FABP6: variants seen among roughly 807,000 people sequenced by gnomAD.
FABP6 encodes the protein fatty acid binding protein 6.
A neutral mutation model predicts 14.9 loss-of-function variants in FABP6; 13 were observed. The observed-to-expected ratio is 0.87, with a 90% confidence interval of 0.57 to 1.39. The LOEUF (loss-of-function observed/expected upper bound fraction) is 1.39. Among genes scored for constraint, FABP6 ranks in the 40% most tolerant of loss-of-function variants. The pLI is 0.00. For synonymous variants in FABP6, 75 were observed against 63.6 expected (o/e 1.18, Z -0.85); for missense variants, 161 against 167.2 (o/e 0.96, Z 0.20).
At chr5:160,188,963 A>G in intron 1 of FABP6, among the ~76,000 whole-genome samples, 1 of 150,270 alleles carries the variant, frequency 6.7e-6, no homozygotes, top group South Asian at 2.1e-4. Context: ...AGGGCTCTGC[A>G]CCCTTTTTCT....
At chr5:160,221,667 G>A (rs1273262704) in intron 3 of FABP6, among the ~76,000 whole-genome samples, 1 of 151,710 alleles carries the variant, frequency 6.6e-6, no homozygotes, top group Non-Finnish European at 1.5e-5. Context: ...CTCTATTAGT[G>A]GATTTGTCCA....
chr5:160,233,047 T>C (rs1188752416), intron 2 of FABP6, among the ~76,000 whole-genome samples: 3 of 149,454 alleles, frequency 2.0e-5, no homozygotes, highest in Non-Finnish European at 3.0e-5. Context: ...AGTGTCATGA[T>C]CTCGGCTCAC....
At chr5:160,190,955 G>GAA (rs35006979) in intron 1 of FABP6, among the ~76,000 whole-genome samples, 7,933 of 147,316 alleles carry the variant, frequency 0.054, 630 homozygotes, top group African/African-American at 0.18. Flanking sequence ...TACTAAACAT[G>GAA]AAAAAAAAAA....
At chr5:160,218,755 C>T (rs1355814567) in intron 3 of FABP6, among the ~76,000 whole-genome samples, 1 of 150,296 alleles carries the variant, frequency 6.7e-6, no homozygotes, top group Non-Finnish European at 1.5e-5. Context: ...GCCACTGCGC[C>T]TGGCCTTTTT....
intron 3 of FABP6, among the ~76,000 whole-genome samples, chr5:160,217,407 G>T (rs1333252436): frequency 6.6e-6 from 1 of 152,094 alleles, no homozygotes; most frequent in Non-Finnish European, 1.5e-5. Flanking sequence ...ACAAGAAGAA[G>T]GGCTGAATGC....
rs574196258 is a variant in FABP6, at chr5:160,198,981, CAAAT to C, written c.-58-67_-58-64del. 128 of 962,292 alleles carry C rather than the reference CAAAT, an allele frequency of 1.3e-4. No individual in the cohort carries two copies. In the East Asian group the frequency reaches 2.1e-3, roughly 15 times the overall value. 59.6% of individuals were successfully genotyped at this position (962,292 alleles called of 1,614,324 possible). On this transcript the variant is annotated intron_variant, in intron 1 of 6. Transcript: ENST00000393980. ...CAGTCAATAAAATGGATTGAATAGA[CAAAT>C]GAATGAACAATGAGATGGTCTCCAG...
intron 3 of FABP6, among the ~76,000 whole-genome samples, chr5:160,220,406 T>C (rs1436468955): frequency 6.6e-6 from 1 of 152,046 alleles, no homozygotes; most frequent in East Asian, 1.9e-4. Flanking sequence ...GTCCAGGAGT[T>C]TGTGACAAGC....
At chr5:160,211,473 T>C (rs1171441805) in intron 2 of FABP6, among the ~76,000 whole-genome samples, 1 of 152,232 alleles carries the variant, frequency 6.6e-6, no homozygotes. Context: ...GTGGGCTTTA[T>C]TTTTAGCTCT....
chr5:160,238,114 C>T (rs1760555646), intron 3 of FABP6, among the ~76,000 whole-genome samples: 1 of 152,060 alleles, frequency 6.6e-6, no homozygotes, highest in Non-Finnish European at 1.5e-5. Context: ...AGAACAGCAT[C>T]CCCCCCGCCT....
At chr5:160,213,655 C>A in intron 2 of FABP6, 1 of 1,181,726 alleles carries the variant, frequency 8.5e-7, no homozygotes, top group Non-Finnish European at 1.3e-6. Flanking sequence ...GGAGCTCTGC[C>A]TCCCTGCACA....
chr5:160,223,819 G>T (rs1760185775), intron 3 of FABP6, among the ~76,000 whole-genome samples: 2 of 151,646 alleles, frequency 1.3e-5, no homozygotes, highest in Admixed American at 1.3e-4. Context: ...GGCCAATTAG[G>T]CTGGGCACGA....
At chr5:160,194,119 C>T (rs1369484967) in intron 1 of FABP6, among the ~76,000 whole-genome samples, 1 of 152,224 alleles carries the variant, frequency 6.6e-6, no homozygotes, top group Non-Finnish European at 1.5e-5. Flanking sequence ...CCAGTACACC[C>T]TCCGCAGCCG....
intron 3 of FABP6, among the ~76,000 whole-genome samples, chr5:160,221,502 C>T (rs577869019): frequency 2.0e-5 from 3 of 152,304 alleles, no homozygotes; most frequent in Admixed American, 2.0e-4. Flanking sequence ...GAGACTGTGC[C>T]TCACCCCCTA....
chr5:160,197,921 C>CGTGTGTGTGT lies in FABP6; in HGVS notation c.-58-1105_-58-1096dup, dbSNP rs34714032. On this transcript the variant is annotated intron_variant, in intron 1 of 6. Coordinates refer to the FABP6 transcript ENST00000393980. ...AGGCTTCCTCCTGATAAGGCTGCTT[C>CGTGTGTGTGT]GTGTGTGTGTGTGTGTGTGTGTGTG... The CGTGTGTGTGT allele has an allele frequency of 9.0e-3, 1,141 of 127,068 alleles. 32 individuals carry two copies. Among genetic ancestry groups the CGTGTGTGTGT allele is most frequent in the African/African-American group, 0.016 (513 of 31,662 alleles). 7.9% of individuals were successfully genotyped at this position (127,068 alleles called of 1,614,324 possible).
chr5:160,193,448 G>C (rs992596615), intron 1 of FABP6, among the ~76,000 whole-genome samples: 4 of 152,186 alleles, frequency 2.6e-5, no homozygotes, highest in African/African-American at 9.6e-5. Flanking sequence ...AGCGGGTTGC[G>C]ACTGCTGGCT....
chr5:160,193,520 G>C (rs4451087), intron 1 of FABP6, among the ~76,000 whole-genome samples: 13,888 of 152,110 alleles, frequency 0.091, 856 homozygotes, highest in East Asian at 0.36. Flanking sequence ...TGGTAGAGCC[G>C]AGTGGCCTGT....
At chr5:160,206,293 T>G (rs1759763224) in intron 2 of FABP6, among the ~76,000 whole-genome samples, 1 of 152,062 alleles carries the variant, frequency 6.6e-6, no homozygotes. Flanking sequence ...TAGCGGGGCA[T>G]GATGCGTGCC....
At chr5:160,221,474 G>C (rs1760127122) in intron 3 of FABP6, among the ~76,000 whole-genome samples, 1 of 152,158 alleles carries the variant, frequency 6.6e-6, no homozygotes, top group South Asian at 2.1e-4. Flanking sequence ...CAAGACGAGA[G>C]ACCCCAGAAG....
intron 1 of FABP6, among the ~76,000 whole-genome samples, chr5:160,230,309 CTTGG>C (rs1488908618): frequency 2.0e-5 from 3 of 152,054 alleles, no homozygotes; most frequent in Admixed American, 1.3e-4. Flanking sequence ...AAAGTGGAGA[CTTGG>C]TTGGTGAAGT....
Sources: allele counts gnomAD v4.1 joint callset (sites outside exome capture counted in the v4.1 genomes callset), GRCh38; gene constraint gnomAD v4.1.1; transcripts MANE v1.5; gene names NCBI Gene and HGNC (gene_info 2026-07-23, HGNC 2026-07-21).